The following ANKRD6 variants were observed in gnomAD, a reference collection of about 807,000 sequenced individuals.
The protein encoded by ANKRD6 is ankyrin repeat domain 6.
In ANKRD6, 56 loss-of-function variants were observed where a neutral mutation model predicts 82.3. The observed-to-expected ratio is 0.68, with a 90% CI of 0.55 to 0.85. The LOEUF (loss-of-function observed/expected upper bound fraction) is 0.85. ANKRD6 is among the 40% of genes least tolerant of loss of function. ANKRD6 has a pLI of 0.00. For synonymous variants in ANKRD6, 347 were observed against 352.1 expected (o/e 0.99, Z 0.16); for missense variants, 852 against 907.6 (o/e 0.94, Z 0.79).
intron 1 of ANKRD6, among the ~76,000 whole-genome samples, chr6:89,438,349 G>C (rs969697079): frequency 6.6e-6 from 1 of 152,150 alleles, no homozygotes; most frequent in Non-Finnish European, 1.5e-5. Flanking sequence ...GTGGTCTCCA[G>C]AGTCACTGCA....
intron 1 of ANKRD6, among the ~76,000 whole-genome samples, chr6:89,507,479 A>G (rs1157510520): frequency 6.6e-6 from 1 of 152,230 alleles, no homozygotes; most frequent in Non-Finnish European, 1.5e-5. Context: ...GTTCTGTAAA[A>G]GTTAATCAAG....
At chr6:89,598,627 C>G (rs1796405915) in intron 3 of ANKRD6, among the ~76,000 whole-genome samples, 1 of 152,140 alleles carries the variant, frequency 6.6e-6, no homozygotes, top group South Asian at 2.1e-4. Flanking sequence ...AGATTTAGAC[C>G]TTATAGGCAC....
chr6:89,512,522 A>G (rs1452480651), intron 1 of ANKRD6, among the ~76,000 whole-genome samples: 1 of 152,194 alleles, frequency 6.6e-6, no homozygotes, highest in Non-Finnish European at 1.5e-5. Flanking sequence ...GGGATCCCAT[A>G]CTGTCACTGG....
intron 11 of ANKRD6, 95 bp downstream of exon 11, chr6:89,623,639 T>G (rs1040177772): frequency 1.9e-5 from 28 of 1,484,154 alleles, no homozygotes; most frequent in Non-Finnish European, 2.1e-5. Flanking sequence ...AAAAAGCCAC[T>G]CACTTGGCTG....
chr6:89,594,978 C>T (rs1021694711), intron 2 of ANKRD6, among the ~76,000 whole-genome samples: 2 of 152,188 alleles, frequency 1.3e-5, no homozygotes, highest in Non-Finnish European at 2.9e-5. Context: ...TCGCAAACCC[C>T]TGGCATCAAG....
intron 1 of ANKRD6, among the ~76,000 whole-genome samples, chr6:89,500,750 A>G (rs1471444161): frequency 1.3e-5 from 2 of 152,222 alleles, no homozygotes; most frequent in African/African-American, 4.8e-5. Context: ...TATTCTCATT[A>G]GAGCTATGAG....
intron 1 of ANKRD6, among the ~76,000 whole-genome samples, chr6:89,440,059 A>G (rs1771175847): frequency 6.6e-6 from 1 of 152,208 alleles, no homozygotes; most frequent in Admixed American, 6.5e-5. Context: ...GTAGTGAAGG[A>G]AAAAATAATT....
intron 1 of ANKRD6, among the ~76,000 whole-genome samples, chr6:89,498,682 A>G (rs1372149112): frequency 2.6e-5 from 4 of 152,192 alleles, no homozygotes; most frequent in Non-Finnish European, 5.9e-5. Flanking sequence ...CAAATTTGCT[A>G]ATCTGAAATT....
intron 1 of ANKRD6, among the ~76,000 whole-genome samples, chr6:89,523,659 C>T (rs115847004): frequency 1.0e-3 from 155 of 152,252 alleles, no homozygotes; most frequent in African/African-American, 3.6e-3. Context: ...TGCTGAGAAA[C>T]GTTTGCTATG....
intron 13 of ANKRD6, among the ~76,000 whole-genome samples, chr6:89,626,730 A>C (rs956730099): frequency 6.6e-6 from 1 of 152,232 alleles, no homozygotes; most frequent in African/African-American, 2.4e-5. Flanking sequence ...AAGCAGTGAA[A>C]GTTTGGCCCT....
chr6:89,442,936 G>A (rs1203389569), intron 1 of ANKRD6, among the ~76,000 whole-genome samples: 1 of 152,112 alleles, frequency 6.6e-6, no homozygotes, highest in East Asian at 1.9e-4. Context: ...ACTAGAGGGG[G>A]TAAGATCTAG....
chr6:89,621,764 A>T, intron 9 of ANKRD6, 158 bp from the exon 10 acceptor site: 1 of 686,314 alleles, frequency 1.5e-6, no homozygotes, highest in South Asian at 1.7e-5. Context: ...ACCTAGGAGG[A>T]TGGTAGGTGG....
chr6:89,480,956 T>A (rs201603045), intron 1 of ANKRD6, among the ~76,000 whole-genome samples: 7,924 of 52,170 alleles, frequency 0.15, 227 homozygotes, highest in South Asian at 0.3. Flanking sequence ...AAAAAAAAAA[T>A]AGAAGAAGAA....
chr6:89,602,861 C>G (rs1030908404), intron 3 of ANKRD6, 168 bp from the exon 4 acceptor site: 43 of 576,676 alleles, frequency 7.5e-5, no homozygotes, highest in Admixed American at 2.0e-4. Flanking sequence ...TGTCTACTAA[C>G]AAGACCACAA....
chr6:89,433,310 C>T lies in ANKRD6; in HGVS notation c.-209C>T, dbSNP rs1770181229. 1 of 152,124 alleles carries T rather than the reference C, an allele frequency of 6.6e-6. No homozygotes were observed. The highest frequency in any genetic ancestry group is 2.4e-5 in the African/African-American group (1 of 41,406). The allele number at this position is 152,124 out of a possible 1,614,324, so 9.4% of individuals were successfully genotyped here. ...GCGGGAGCCAGTCCCCGTCTTCGCC[C>T]CTCGCCCCCCACCGTGTCGCCGGCC... On this transcript the variant is annotated 5_prime_UTR_variant, in exon 1 of 16. Coordinates refer to ENST00000339746, the MANE Select transcript of ANKRD6 (RefSeq NM_001242809.2). The surrounding 1 kb of genome is among the most constrained non-coding windows in gnomAD (Gnocchi z 4.3).
chr6:89,480,120 C>T (rs1027501280), intron 1 of ANKRD6, among the ~76,000 whole-genome samples: 1 of 152,210 alleles, frequency 6.6e-6, no homozygotes, highest in Non-Finnish European at 1.5e-5. Context: ...GTGCTGGTTT[C>T]TCACCAGCTG....
rs373234270 is a variant in ANKRD6, at chr6:89,558,723, C to T, written c.-143-8111C>T. ...TGAACCCTAATGCAAACCACAGACT[C>T]TAGTTAATAATACTGTATCAATATT... On this transcript the variant is annotated intron_variant, in intron 1 of 15. Coordinates refer to ENST00000339746, the MANE Select transcript of ANKRD6 (RefSeq NM_001242809.2). Among the ~76,000 whole-genome samples, 8 of 143,738 alleles carry T rather than the reference C, an allele frequency of 5.6e-5. No individual in the cohort carries two copies. In the South Asian group the frequency reaches 8.8e-4, roughly 16 times the overall value. 94.3% of individuals were successfully genotyped at this position (143,738 alleles called of 152,430 possible).
chr6:89,548,368 TC>T (rs1375201165), intron 1 of ANKRD6, among the ~76,000 whole-genome samples: 1 of 152,224 alleles, frequency 6.6e-6, no homozygotes, highest in Non-Finnish European at 1.5e-5. Flanking sequence ...AGTAGTTCAT[TC>T]CTTTTTATGG....
intron 1 of ANKRD6, among the ~76,000 whole-genome samples, chr6:89,502,020 T>G (rs1202180407): frequency 6.6e-6 from 1 of 152,222 alleles, no homozygotes; most frequent in African/African-American, 2.4e-5. Context: ...TGATTAACAC[T>G]TTCACCTAGC....
Sources: gnomAD v4.1 joint callset for allele counts (sites outside exome capture counted in the v4.1 genomes callset) on GRCh38, gnomAD v4.1.1 for gene constraint, Gnocchi (gnomAD v3.1) non-coding constraint, MANE v1.5 for transcripts, NCBI Gene and HGNC (gene_info 2026-07-23, HGNC 2026-07-21) for gene names.